The following IL23R variants were observed in gnomAD, a reference collection of about 807,000 sequenced individuals.
The protein encoded by IL23R is interleukin-23 receptor.
In IL23R, 34 loss-of-function variants were observed where a neutral mutation model predicts 56.9. That is an observed-to-expected ratio of 0.60 (90% CI 0.45 to 0.80). The LOEUF is 0.80. Among genes scored for constraint, IL23R ranks in the 30% least tolerant of loss-of-function variants. The probability of loss-of-function intolerance (pLI) is 0.00; values close to 1 mark genes in which losing one functional copy is unlikely to be tolerated. For missense variants in IL23R, 635 were observed against 730.0 expected, an observed-to-expected ratio of 0.87 and a Z score of 1.50; for synonymous variants, 230 against 249.2, an observed-to-expected ratio of 0.92 and a Z score of 0.73.
chr1:67,262,596 A>G (rs374001258), downstream of IL23R, among the ~76,000 whole-genome samples: 17 of 152,286 alleles, frequency 1.1e-4, 1 homozygote, highest in South Asian at 3.5e-3. Flanking sequence ...GCCACTGATT[A>G]TCTTCCACCC....
chr1:67,179,412 T>C (rs1214700107), intron 3 of IL23R, among the ~76,000 whole-genome samples: 2 of 152,198 alleles, frequency 1.3e-5, no homozygotes, highest in African/African-American at 2.4e-5. Context: ...CATCAAGGTG[T>C]TTATAGTATT....
At chr1:67,262,162 C>T (rs1653219956), downstream of IL23R, among the ~76,000 whole-genome samples, 1 of 152,128 alleles carries the variant, frequency 6.6e-6, no homozygotes, top group Non-Finnish European at 1.5e-5. Context: ...ACTGAATGTC[C>T]TTACTGTTAT....
chr1:67,158,719 T>C (rs1034351922), intron 1 of IL23R, among the ~76,000 whole-genome samples: 2 of 152,046 alleles, frequency 1.3e-5, no homozygotes, highest in African/African-American at 2.4e-5. Flanking sequence ...GTACCATCTC[T>C]TACCTCAAAA....
intron 8 of IL23R, among the ~76,000 whole-genome samples, chr1:67,238,215 T>G (rs1651609801): frequency 6.6e-6 from 1 of 151,772 alleles, no homozygotes; most frequent in Admixed American, 6.6e-5. Context: ...GGGTGTGGTG[T>G]CATGTACCTG....
At chr1:67,212,938 AT>A (rs1649593000) in intron 6 of IL23R, among the ~76,000 whole-genome samples, 1 of 151,442 alleles carries the variant, frequency 6.6e-6, no homozygotes, top group Non-Finnish European at 1.5e-5. Context: ...CAGTGGCGTG[AT>A]CTTGGCTCAC....
chr1:67,203,051 T>C (rs929221818), intron 5 of IL23R, among the ~76,000 whole-genome samples: 1 of 152,156 alleles, frequency 6.6e-6, no homozygotes, highest in South Asian at 2.1e-4. Flanking sequence ...AAATTAATGA[T>C]GTTTAAGAGC....
At chr1:67,146,150 G>A (rs1416906636) in intron 1 of IL23R, among the ~76,000 whole-genome samples, 1 of 152,144 alleles carries the variant, frequency 6.6e-6, no homozygotes, top group African/African-American at 2.4e-5. Context: ...TGCAGCCTCA[G>A]TCAACATCAT....
intron 6 of IL23R, among the ~76,000 whole-genome samples, chr1:67,217,637 A>G (rs765083918): frequency 6.6e-6 from 1 of 151,442 alleles, no homozygotes; most frequent in African/African-American, 2.4e-5. Flanking sequence ...TTATATTAAC[A>G]TTGCAGAAAA....
In IL23R at chr1:67,154,292, G is replaced by A. The variant is rs1271293366; in HGVS notation, c.-633-13800G>A. 4.6e-5 allele frequency among the ~76,000 whole-genome samples: 7 copies of A among 152,180 alleles called. No individual in the cohort carries two copies. The East Asian group carries it at 1.3e-3, about 29-fold the overall frequency. On this transcript the variant is annotated intron_variant, in intron 1 of 10. Transcript: ENST00000637002. ...TTAGGTGCACTTGATCTGGAGCTGAGTTCAAGTCCTGAATATCCTTGTTAA... is the reference window on the plus strand; with the variant it reads ...TTAGGTGCACTTGATCTGGAGCTGAATTCAAGTCCTGAATATCCTTGTTAA...
chr1:67,244,263 C>A (rs1219290633), intron 9 of IL23R, among the ~76,000 whole-genome samples: 1 of 152,100 alleles, frequency 6.6e-6, no homozygotes, highest in Non-Finnish European at 1.5e-5. Context: ...CTCTAGGTTG[C>A]CTGTTCACTT....
At chr1:67,188,785 C>T (rs751950675) in intron 4 of IL23R, among the ~76,000 whole-genome samples, 2 of 152,086 alleles carry the variant, frequency 1.3e-5, no homozygotes, top group South Asian at 2.1e-4. Flanking sequence ...CAGGCAGCTC[C>T]CTTCAACCTC....
chr1:67,189,538 T>C (rs1008346265), intron 4 of IL23R, among the ~76,000 whole-genome samples: 11 of 152,176 alleles, frequency 7.2e-5, no homozygotes, highest in Admixed American at 7.2e-4. Flanking sequence ...AAAGTGAATG[T>C]TCTCCTCTAG....
chr1:67,182,831 T>G lies in IL23R; in HGVS notation c.368-5T>G. The G allele has an allele frequency of 6.2e-7, 1 of 1,613,994 alleles. No individual in the cohort carries two copies. The highest frequency in any genetic ancestry group is 8.5e-7 in the Non-Finnish European group (1 of 1,179,874). Reference sequence around the variant, plus strand: ...GCACCTCCTAAGTGTTATGTTTTGTTGCAGATCCGCCAGATATTCCTGATG... The same window carrying G: ...GCACCTCCTAAGTGTTATGTTTTGTGGCAGATCCGCCAGATATTCCTGATG... On this transcript the variant is annotated splice_region_variant and splice_polypyrimidine_tract_variant and intron_variant, in intron 3 of 10. Coordinates refer to ENST00000347310, the MANE Select transcript of IL23R (RefSeq NM_144701.3).
chr1:67,226,449 G>C (rs7523955), intron 7 of IL23R, among the ~76,000 whole-genome samples: 72,120 of 151,930 alleles, frequency 0.47, 17,642 homozygotes, highest in African/African-American at 0.55. Flanking sequence ...GCTGTCCAGC[G>C]GCCGATCTCC....
At chr1:67,183,876 G>A (rs775445489) in intron 4 of IL23R, among the ~76,000 whole-genome samples, 1 of 152,192 alleles carries the variant, frequency 6.6e-6, no homozygotes, top group African/African-American at 2.4e-5. Flanking sequence ...CTGGAAAGTT[G>A]TGGGCAAACT....
At chr1:67,185,099 T>C (rs1647253685) in intron 4 of IL23R, among the ~76,000 whole-genome samples, 1 of 152,212 alleles carries the variant, frequency 6.6e-6, no homozygotes, top group Non-Finnish European at 1.5e-5. Flanking sequence ...ATTTCTGTTG[T>C]TTATAAATTG....
At chr1:67,148,137 G>T (rs1454435322) in intron 1 of IL23R, among the ~76,000 whole-genome samples, 7 of 152,226 alleles carry the variant, frequency 4.6e-5, no homozygotes, top group Non-Finnish European at 1.0e-4. Flanking sequence ...AGCCCGATCC[G>T]CAGCGGCGAT....
chr1:67,225,650 C>T (rs1284571393), intron 7 of IL23R, among the ~76,000 whole-genome samples: 1 of 152,088 alleles, frequency 6.6e-6, no homozygotes, highest in African/African-American at 2.4e-5. Flanking sequence ...GCTGGGACTA[C>T]AGACATCCAC....
chr1:67,192,314 A>G (rs182508704), intron 4 of IL23R, among the ~76,000 whole-genome samples: 10 of 152,176 alleles, frequency 6.6e-5, no homozygotes, highest in African/African-American at 1.9e-4. Context: ...AGGTTTTTAG[A>G]AAGTCCTTGG....
Sources: gnomAD v4.1 joint callset for allele counts (sites outside exome capture counted in the v4.1 genomes callset) on GRCh38, gnomAD v4.1.1 for gene constraint, MANE v1.5 for transcripts, NCBI Gene and HGNC (gene_info 2026-07-23, HGNC 2026-07-21) for gene names.